Variants in USH1C observed in about 807,000 individuals in gnomAD.
USH1C encodes USH1 protein network component harmonin.
In USH1C, 90 loss-of-function variants were observed where a neutral mutation model predicts 119.3. The ratio of observed to expected loss-of-function variants is 0.75; its 90% CI spans 0.64 to 0.90. The LOEUF is 0.90. Ranked by LOEUF, USH1C falls within the 40% of genes least tolerant of loss-of-function variation. The pLI is 0.00. For synonymous variants in USH1C, 465 were observed against 443.3 expected, an observed-to-expected ratio of 1.05 and a Z score of -0.62; for missense variants, 1,165 against 1,167.7, an observed-to-expected ratio of 1.00 and a Z score of 0.03.
At chr11:17,543,428 C>G (rs747760678) in intron 1 of USH1C, among the ~76,000 whole-genome samples, 2 of 151,970 alleles carry the variant, frequency 1.3e-5, no homozygotes, top group African/African-American at 4.8e-5. Flanking sequence ...CCCCCCCAAG[C>G]GGCTTCATCC....
At chr11:17,504,769 G>C (rs1451373504) in intron 19 of USH1C, 72 bp from the exon 20 acceptor site, 26 of 1,536,906 alleles carry the variant, frequency 1.7e-5, no homozygotes, top group Non-Finnish European at 2.2e-5. Flanking sequence ...CTGGTGCCAG[G>C]CTTCGGGCCT....
intron 14 of USH1C, 102 bp from the exon 15 acceptor site, chr11:17,516,392 G>A: frequency 8.3e-7 from 1 of 1,197,778 alleles, no homozygotes; most frequent in South Asian, 1.3e-5. Flanking sequence ...GCATGACTTT[G>A]TGAGATAAAC....
chr11:17,512,074 T>C lies in USH1C; in HGVS notation c.1261-20A>G. On this transcript the variant is annotated intron_variant, in intron 15 of 26. Coordinates refer to ENST00000005226, the MANE Select transcript of USH1C (RefSeq NM_153676.4). ...TCCTTTCTGAGTAGATGTGGCATTG[T>C]TTATATGACAAAGGTTAGAAATAGT... 1 of 1,613,838 alleles carries C rather than the reference T, an allele frequency of 6.2e-7. No homozygotes were observed. Among genetic ancestry groups the C allele is most frequent in the African/African-American group, 1.3e-5 (1 of 75,052 alleles).
intron 18 of USH1C, 83 bp from the exon 19 acceptor site, chr11:17,506,032 A>T (rs1849636298): frequency 6.3e-6 from 10 of 1,593,888 alleles, no homozygotes; most frequent in Non-Finnish European, 8.6e-6. Flanking sequence ...CACACATGCA[A>T]ATCTACACCC....
intron 14 of USH1C, among the ~76,000 whole-genome samples, chr11:17,520,318 A>G (rs1850354317): frequency 6.6e-6 from 1 of 152,118 alleles, no homozygotes; most frequent in Non-Finnish European, 1.5e-5. Flanking sequence ...CACAGCCCAT[A>G]GCTGGGTGTC....
At chr11:17,520,652 C>T (rs935518532) in intron 14 of USH1C, among the ~76,000 whole-genome samples, 3 of 152,152 alleles carry the variant, frequency 2.0e-5, no homozygotes, top group African/African-American at 7.2e-5. Context: ...GACCTGGGAG[C>T]TGGGTATGTG....
intron 18 of USH1C, among the ~76,000 whole-genome samples, chr11:17,508,202 G>T (rs1849724032): frequency 6.6e-6 from 1 of 152,212 alleles, no homozygotes; most frequent in Non-Finnish European, 1.5e-5. Context: ...TGGGCTCTGG[G>T]GAAAGATGTC....
intron 18 of USH1C, 49 bp from the exon 19 acceptor site, chr11:17,505,998 C>T: frequency 6.2e-7 from 1 of 1,613,374 alleles, no homozygotes; most frequent in Non-Finnish European, 8.5e-7. Flanking sequence ...GGTGGGGTGG[C>T]CAAGGCCAGC....
chr11:17,515,085 T>G (rs61880341), intron 15 of USH1C, among the ~76,000 whole-genome samples: 1 of 133,274 alleles, frequency 7.5e-6, no homozygotes, highest in South Asian at 2.5e-4. Context: ...GTGTGTGTGT[T>G]TTGTCCTCTC....
Position 17,501,512 on chromosome 11 carries a change from C to T in USH1C, c.2250G>A (p.Gly750=). Residue 750 remains glycine, a synonymous_variant, in exon 22 of 27, where the codon GGG becomes GGA. Transcript: ENST00000005226. ...TGATGCGTAGGAGCCGGACATCCTTCCCCATGATCTGCTCTGGGGTGAACT... is the reference window on the plus strand; with the variant it reads ...TGATGCGTAGGAGCCGGACATCCTTTCCCATGATCTGCTCTGGGGTGAACT... ...YSMFTPEQIM[G]KDVRLLRIKK... 2 of 1,613,172 alleles carry T rather than the reference C, an allele frequency of 1.2e-6. No individual in the cohort carries two copies. Among genetic ancestry groups the T allele is most frequent in the Non-Finnish European group, 1.7e-6 (2 of 1,179,646 alleles).
rs1175090344 is a variant in USH1C at position 17,509,624 on chromosome 11, AGGACAG to A, written c.1739_1744del (p.Pro580_Val581del). On this transcript the variant is annotated inframe_deletion, in exon 18 of 27. Transcript: ENST00000005226. The stretch of plus-strand genomic sequence containing the variant: ...GGCGCTCACATGGCCAGATAAGGGA[AGGACAG>A]GGGGCGCCGGGACCTTGTGGGGTGG... 25 of 1,542,810 alleles carry A rather than the reference AGGACAG, an allele frequency of 1.6e-5. No individual in the cohort carries two copies. Among genetic ancestry groups the A allele is most frequent in the Non-Finnish European group, 2.1e-5 (24 of 1,152,434 alleles).
intron 1 of USH1C, 43 bp from the exon 2 acceptor site, chr11:17,533,365 C>T: frequency 7.0e-7 from 1 of 1,436,868 alleles, no homozygotes; most frequent in Non-Finnish European, 9.8e-7. Context: ...GGCTCAGCAC[C>T]CGCCCCCATA....
intron 14 of USH1C, chr11:17,516,746 C>T (rs1328952946): frequency 2.6e-5 from 7 of 274,008 alleles, no homozygotes; most frequent in East Asian, 1.7e-4. Flanking sequence ...AACTGTTGTT[C>T]GACAGAACAA....
Position 17,509,601 on chromosome 11 carries a change from C to T in USH1C, c.1768G>A (p.Ala590Thr), listed in dbSNP as rs369255684. 4.6e-5 allele frequency: 73 copies of T among 1,596,322 alleles called. No homozygotes were observed. Among genetic ancestry groups the T allele is most frequent in the South Asian group, 7.9e-5 (7 of 89,054 alleles). ...CGCTGCACCCATGGAGAGGATGAGG[C>T]GCTCACATGGCCAGATAAGGGAAGG... ...PVLPLSGHVS[A>T]SSSPWVQRTP... The change falls in exon 18 of 27, where the codon GCC (alanine) becomes ACC (threonine). Residue 590 changes from alanine to threonine, a missense_variant. By Grantham distance (58) the Ala-to-Thr change is moderately conservative. Transcript: ENST00000005226.
chr11:17,509,824 G>C lies in USH1C; in HGVS notation c.1545C>G (p.Pro515=). 1 of 1,595,950 alleles carries C rather than the reference G, an allele frequency of 6.3e-7. No individual in the cohort carries two copies. Among genetic ancestry groups the C allele is most frequent in the Non-Finnish European group, 8.5e-7 (1 of 1,177,560 alleles). The change falls in exon 18 of 27, where the codon CCC becomes CCG. Residue 515 remains proline, a synonymous_variant. Coordinates refer to ENST00000005226, the MANE Select transcript of USH1C (RefSeq NM_153676.4). ...DNEISEMTTG[P]PPPPPSVSPL... The stretch of plus-strand genomic sequence containing the variant: ...GAGACACAGAAGGCGGGGGAGGCGG[G>C]GGCCCTGTGGTCATCTGGGGGTGTT...
intron 18 of USH1C, among the ~76,000 whole-genome samples, chr11:17,508,542 G>T (rs1178248684): frequency 6.6e-6 from 1 of 152,196 alleles, no homozygotes; most frequent in East Asian, 1.9e-4. Flanking sequence ...TCATGGCTAC[G>T]GGAGTGGAAT....
At chr11:17,537,857 G>A (rs945280633) in intron 1 of USH1C, among the ~76,000 whole-genome samples, 60 of 152,166 alleles carry the variant, frequency 3.9e-4, no homozygotes, top group African/African-American at 1.3e-3. Flanking sequence ...TGAGGTGAAC[G>A]TTATCATCCC....
intron 1 of USH1C, among the ~76,000 whole-genome samples, chr11:17,537,331 T>A (rs1565071564): frequency 6.6e-6 from 1 of 152,208 alleles, no homozygotes; most frequent in Admixed American, 6.5e-5. Context: ...CTCAGGTACA[T>A]ACGAAGCACT....
At chr11:17,512,351 C>A (rs1849930631) in intron 15 of USH1C, among the ~76,000 whole-genome samples, 1 of 152,072 alleles carries the variant, frequency 6.6e-6, no homozygotes, top group African/African-American at 2.4e-5. Context: ...TGCCTCATCT[C>A]CAAAATGGTA....
Sources: gnomAD v4.1 joint callset for allele counts (sites outside exome capture counted in the v4.1 genomes callset) on GRCh38, gnomAD v4.1.1 for gene constraint, MANE v1.5 for transcripts, NCBI Gene and HGNC (gene_info 2026-07-23, HGNC 2026-07-21) for gene names.